The following MMP15 variants were observed in gnomAD, a reference collection of about 807,000 sequenced individuals.
MMP15 encodes matrix metallopeptidase 15.
A neutral mutation model predicts 65.0 loss-of-function variants in MMP15; 36 were observed. The observed-to-expected ratio is 0.55, with a 90% confidence interval of 0.42 to 0.73. The LOEUF (loss-of-function observed/expected upper bound fraction) is 0.73, where lower values mean the gene tolerates loss of function less well. Ranked by LOEUF, MMP15 falls within the 30% of genes least tolerant of loss-of-function variation. The pLI, the probability that MMP15 is intolerant of heterozygous loss-of-function variation, is 0.00. For synonymous variants in MMP15, 428 were observed against 410.2 expected (o/e 1.04, Z -0.52); for missense variants, 870 against 987.8 (o/e 0.88, Z 1.60).
intron 1 of MMP15, among the ~76,000 whole-genome samples, chr16:58,035,073 C>T (rs1038616360): frequency 3.3e-5 from 5 of 152,226 alleles, no homozygotes; most frequent in African/African-American, 1.2e-4. Context: ...TCCCCCGCCA[C>T]TCCCCCGGCC....
Position 58,038,978 on chromosome 16 carries a change from T to A in MMP15, c.440+584T>A, listed in dbSNP as rs538378173. On this transcript the variant is annotated intron_variant, in intron 3 of 9. Transcript: ENST00000219271. ...CCAGCTAAAATATTCCCTTCAGGTT[T>A]AATGTCTAGCACACAGAGCTGAATC... Among the ~76,000 whole-genome samples the A allele has an allele frequency of 2.0e-5, 3 of 152,354 alleles. No homozygotes were observed. The South Asian group carries it at 6.2e-4, about 32-fold the overall frequency.
At position 58,046,124 on chromosome 16, in the gene MMP15, G is replaced by C. The variant is rs1213452823; in HGVS notation, c.*678G>C. ...ACACCTCCTTCCCTCTCTGGAGAAA[G>C]GGCCCTGGGCCTGCCTCACCACGGA... On this transcript the variant is annotated 3_prime_UTR_variant, in exon 10 of 10. Transcript: ENST00000219271. 1 of 152,648 alleles carries C rather than the reference G, an allele frequency of 6.6e-6. No homozygotes were observed. The highest frequency in any genetic ancestry group is 1.9e-4 in the East Asian group (1 of 5,188). The allele number at this position is 152,648 out of a possible 1,614,324, so 9.5% of individuals were successfully genotyped here. A position where few individuals can be genotyped will look rare whatever the true frequency, so the allele number is the denominator to read the frequency against.
In MMP15 at chr16:58,040,599, A is replaced by T; in HGVS notation, c.811A>T (p.Ser271Cys). The T allele has an allele frequency of 6.2e-7, 1 of 1,614,142 alleles. No homozygotes were observed. Among genetic ancestry groups the T allele is most frequent in the Non-Finnish European group, 8.5e-7 (1 of 1,180,032 alleles). The change falls in exon 5 of 10, where the codon AGC (serine) becomes TGC (cysteine). Residue 271 changes from serine (S) to cysteine (C), a missense_variant. Ser to Cys is a moderately radical substitution (Grantham distance 112, BLOSUM62 -1). Transcript: ENST00000219271. ...LGHALGLEHS[S>C]NPNAIMAPFY... Reference sequence around the variant, plus strand: ...CCACGCGCTGGGGCTGGAGCACTCCAGCAACCCCAATGCCATCATGGCGCC... The same window carrying T: ...CCACGCGCTGGGGCTGGAGCACTCCTGCAACCCCAATGCCATCATGGCGCC...
At chr16:58,041,491 G>T (rs1035875161) in intron 5 of MMP15, 126 bp from the exon 6 acceptor site, 46 of 1,003,572 alleles carry the variant, frequency 4.6e-5, no homozygotes, top group Non-Finnish European at 6.5e-5. Flanking sequence ...CAGGTGTTGG[G>T]GAGGGGTCTG....
chr16:58,039,407 G>C (rs532193540), intron 3 of MMP15, among the ~76,000 whole-genome samples: 2 of 152,230 alleles, frequency 1.3e-5, no homozygotes, highest in Admixed American at 6.5e-5. Flanking sequence ...GCTCCAGCCC[G>C]GGTGACAGAG....
chr16:58,041,676 C>A lies in MMP15; in HGVS notation c.970C>A (p.Pro324Thr). ...QPLPTVTPRRPGRPDHRPPRP... is the reference protein window; with the variant it reads ...QPLPTVTPRRTGRPDHRPPRP... Reference sequence around the variant, plus strand: ...TCTCCCCACTGTGACGCCACGGCGGCCAGGCCGGCCTGACCACCGGCCGCC... The same window carrying A: ...TCTCCCCACTGTGACGCCACGGCGGACAGGCCGGCCTGACCACCGGCCGCC... The change falls in exon 6 of 10, where the codon CCA (proline) becomes ACA (threonine). Residue 324 changes from proline to threonine, a missense_variant. Coordinates refer to ENST00000219271, the MANE Select transcript of MMP15 (RefSeq NM_002428.4). The A allele has an allele frequency of 6.3e-7, 1 of 1,579,098 alleles. No individual in the cohort carries two copies. The highest frequency in any genetic ancestry group is 8.6e-7 in the Non-Finnish European group (1 of 1,162,856).
chr16:58,028,768 C>T (rs1029644844), intron 1 of MMP15, among the ~76,000 whole-genome samples: 1 of 152,212 alleles, frequency 6.6e-6, no homozygotes, highest in East Asian at 1.9e-4. Flanking sequence ...AGGACTTTCA[C>T]GAGGCTGAGA....
At chr16:58,026,619 T>A (rs1963819321) in intron 1 of MMP15, 107 bp downstream of exon 1, 6 of 1,185,264 alleles carry the variant, frequency 5.1e-6, no homozygotes, top group Non-Finnish European at 6.4e-6. Context: ...ACGCGCCCCC[T>A]GTTCTGGGCC....
At position 58,045,207 on chromosome 16, in the gene MMP15, G is replaced by C; in HGVS notation, c.1771G>C (p.Glu591Gln). The change falls in exon 10 of 10, where the codon GAG (glutamate) becomes CAG (glutamine). Residue 591 changes from glutamate (E) to glutamine (Q), a missense_variant. Glu to Gln is a conservative substitution (Grantham distance 29). Transcript: ENST00000219271. The part of the protein sequence containing the change: ...GGAEPGADSA[E>Q]GDVGDGDGDF... Reference sequence around the variant, plus strand: ...TGCAGAGCCCGGGGCGGACAGCGCAGAGGGCGACGTGGGGGATGGGGATGG... The same window carrying C: ...TGCAGAGCCCGGGGCGGACAGCGCACAGGGCGACGTGGGGGATGGGGATGG... 6.3e-7 allele frequency: 1 copy of C among 1,595,742 alleles called. No homozygotes were observed. The highest frequency in any genetic ancestry group is 8.5e-7 in the Non-Finnish European group (1 of 1,172,232).
At position 58,045,087 on chromosome 16, in the gene MMP15, T is replaced by G; in HGVS notation, c.1651T>G (p.Ser551Ala). ...RLRMEPGYPK[S>A]ILRDFMGCQE... ...GCGGATGGAGCCCGGCTACCCCAAG[T>G]CCATCCTGCGGGACTTCATGGGCTG... Residue 551 changes from serine (S) to alanine (A), a missense_variant, in exon 10 of 10, where the codon TCC (serine) becomes GCC (alanine). Coordinates refer to ENST00000219271, the MANE Select transcript of MMP15 (RefSeq NM_002428.4). 1 of 1,612,720 alleles carries G rather than the reference T, an allele frequency of 6.2e-7. No homozygotes were observed. The highest frequency in any genetic ancestry group is 8.5e-7 in the Non-Finnish European group (1 of 1,179,656).
At chr16:58,037,646 C>A in intron 2 of MMP15, 26 bp downstream of exon 2, 1 of 1,613,814 alleles carries the variant, frequency 6.2e-7, no homozygotes, top group South Asian at 1.1e-5. Flanking sequence ...CATCCACACC[C>A]CACAGGCACC....
At chr16:58,034,914 C>A (rs898680417) in intron 1 of MMP15, among the ~76,000 whole-genome samples, 3 of 152,172 alleles carry the variant, frequency 2.0e-5, no homozygotes, top group African/African-American at 7.2e-5. Context: ...CTCCCCAGGG[C>A]CCCAGCCTGA....
At chr16:58,033,177 C>A (rs1440856228) in intron 1 of MMP15, among the ~76,000 whole-genome samples, 1 of 152,216 alleles carries the variant, frequency 6.6e-6, no homozygotes, top group African/African-American at 2.4e-5. Flanking sequence ...AGCGCCCAGA[C>A]CCGGCCGGAG....
In MMP15 at chr16:58,045,186, G is replaced by C; in HGVS notation, c.1750G>C (p.Glu584Gln). The part of the protein sequence containing the change: ...RPPFNPHGGA[E>Q]PGADSAEGDV... ...GCCCTTCAACCCCCACGGGGGTGCA[G>C]AGCCCGGGGCGGACAGCGCAGAGGG... Residue 584 changes from glutamate (E) to glutamine (Q), a missense_variant, in exon 10 of 10, where the codon GAG becomes CAG. Physicochemically the swap from Glu to Gln is conservative, Grantham distance 29 (BLOSUM62 2). Transcript: ENST00000219271. The C allele has an allele frequency of 1.3e-6, 2 of 1,592,822 alleles. No homozygotes were observed. The highest frequency in any genetic ancestry group is 1.7e-6 in the Non-Finnish European group (2 of 1,170,258).
At chr16:58,031,734 G>A (rs952546091) in intron 1 of MMP15, among the ~76,000 whole-genome samples, 54 of 152,120 alleles carry the variant, frequency 3.5e-4, no homozygotes, top group African/African-American at 1.2e-3. Context: ...AAAGACCCAT[G>A]GGAGGGAGCA....
chr16:58,042,462 T>G, intron 7 of MMP15, 93 bp downstream of exon 7: 2 of 1,511,216 alleles, frequency 1.3e-6, no homozygotes, highest in Non-Finnish European at 1.8e-6. Flanking sequence ...AAGGGTTGCA[T>G]TGCATGTCTG....
chr16:58,029,933 TC>T (rs1381530298), intron 1 of MMP15, among the ~76,000 whole-genome samples: 1 of 152,164 alleles, frequency 6.6e-6, no homozygotes, highest in African/African-American at 2.4e-5. Flanking sequence ...TGTTCTGCTG[TC>T]CCTCTGTGGC....
At chr16:58,026,543 G>A in intron 1 of MMP15, 31 bp downstream of exon 1, 1 of 1,300,198 alleles carries the variant, frequency 7.7e-7, no homozygotes, top group Non-Finnish European at 9.8e-7. Flanking sequence ...TTTGGCTGCG[G>A]GCTGGGGGCT....
In MMP15 at chr16:58,045,891, G is replaced by A. The variant is rs1198250489; in HGVS notation, c.*445G>A. 5 of 167,342 alleles carry A rather than the reference G, an allele frequency of 3.0e-5. No individual in the cohort carries two copies. Among genetic ancestry groups the A allele is most frequent in the Non-Finnish European group, 3.9e-5 (3 of 77,136 alleles). 10.4% of individuals were successfully genotyped at this position (167,342 alleles called of 1,614,324 possible). A position where few individuals can be genotyped will look rare whatever the true frequency, so the allele number is the denominator to read the frequency against. ...TGAGTCTCTCTGGGCCTTAGGAAGA[G>A]CCTTCCACCCAGGGGCAGCCCCAGG... On this transcript the variant is annotated 3_prime_UTR_variant, in exon 10 of 10. Coordinates refer to ENST00000219271, the MANE Select transcript of MMP15 (RefSeq NM_002428.4).
Sources: allele counts gnomAD v4.1 joint callset (sites outside exome capture counted in the v4.1 genomes callset), GRCh38; gene constraint gnomAD v4.1.1; transcripts MANE v1.5; gene names NCBI Gene and HGNC (gene_info 2026-07-23, HGNC 2026-07-21).